The following SHANK2 variants were observed in gnomAD, a reference collection of about 807,000 sequenced individuals.
SHANK2 encodes the protein SH3 and multiple ankyrin repeat domains protein 2.
SHANK2 carries 43 observed loss-of-function variants against 133.7 expected under a neutral mutation model. That is an observed-to-expected ratio of 0.32 (90% CI 0.25 to 0.41). SHANK2 has a LOEUF of 0.41. SHANK2 is among the 10% of genes least tolerant of loss of function. SHANK2 has a pLI of 1.00. For synonymous variants in SHANK2, 1,017 were observed against 952.8 expected (o/e 1.07, Z -1.24); for missense variants, 1,994 against 2,235.8 (o/e 0.89, Z 2.18).
At chr11:70,694,942 G>A (rs1449125865) in intron 15 of SHANK2, among the ~76,000 whole-genome samples, 1 of 152,154 alleles carries the variant, frequency 6.6e-6, no homozygotes, top group Non-Finnish European at 1.5e-5. Flanking sequence ...ATGCTAATAG[G>A]TTCACAGTCT....
intron 6 of SHANK2, among the ~76,000 whole-genome samples, chr11:71,103,988 C>T (rs1951764929): frequency 6.6e-6 from 1 of 151,862 alleles, no homozygotes; most frequent in Non-Finnish European, 1.5e-5. Flanking sequence ...TGCCTTCCGC[C>T]ATGCGTAAAA....
chr11:70,819,249 C>T (rs919832727), intron 12 of SHANK2, among the ~76,000 whole-genome samples: 2 of 152,260 alleles, frequency 1.3e-5, no homozygotes, highest in Non-Finnish European at 2.9e-5. Context: ...TGTGCCGAGT[C>T]CTGCCCTTGC....
At position 70,488,152 on chromosome 11, in the gene SHANK2, C is replaced by A. The variant is rs970590014; in HGVS notation, c.2573-432G>T. Among the ~76,000 whole-genome samples the A allele has an allele frequency of 9.0e-4, 137 of 152,298 alleles. 1 individual carries two copies. The highest frequency in any genetic ancestry group is 3.4e-3 in the Middle Eastern group (1 of 294). ...TGTGCTTGGGGCGGGGTTGGCTAGA[C>A]CAGGAGGTATCCTTCCACCATGCCC... On this transcript the variant is annotated intron_variant, in intron 24 of 25. Transcript: ENST00000601538.
At chr11:71,218,596 G>T (rs1417543789) in intron 2 of SHANK2, among the ~76,000 whole-genome samples, 1 of 152,082 alleles carries the variant, frequency 6.6e-6, no homozygotes, top group Non-Finnish European at 1.5e-5. Context: ...GTGGTGCCCA[G>T]GGATGAGCAG....
chr11:71,178,985 G>GAA (rs1953498612), intron 2 of SHANK2, among the ~76,000 whole-genome samples: 1 of 151,902 alleles, frequency 6.6e-6, no homozygotes, highest in East Asian at 1.9e-4. Flanking sequence ...TTCGTCTGAA[G>GAA]TGAATGAATG....
At chr11:70,498,730 A>G (rs2059007030) in intron 21 of SHANK2, among the ~76,000 whole-genome samples, 2 of 152,196 alleles carry the variant, frequency 1.3e-5, no homozygotes, top group South Asian at 4.1e-4. Flanking sequence ...ATAAATGACC[A>G]TGCACGGGGG....
At chr11:70,718,782 C>G (rs1946010443) in intron 14 of SHANK2, among the ~76,000 whole-genome samples, 2 of 145,402 alleles carry the variant, frequency 1.4e-5, no homozygotes, top group African/African-American at 5.3e-5. Flanking sequence ...TGCAGGCTTT[C>G]AGTGGGTTAG....
intron 11 of SHANK2, chr11:70,826,407 G>A (rs1284595394): frequency 1.7e-5 from 8 of 468,626 alleles, no homozygotes; most frequent in Admixed American, 9.4e-5. Flanking sequence ...CCCCCACCCC[G>A]AGAATCAGCA....
rs1191766704 is a variant in SHANK2 at position 70,736,388 on chromosome 11, ATTGAG to A, written c.1778-37630_1778-37626del. 6.6e-5 allele frequency among the ~76,000 whole-genome samples: 10 copies of A among 152,252 alleles called. No homozygotes were observed. The East Asian group carries it at 9.6e-4, about 15-fold the overall frequency. ...TGGAAAACAGCTCCTTGTAGGTGTGATTGAGTTAAGGATCTTGGGATGAGGAGATC... is the reference window on the plus strand; with the variant it reads ...TGGAAAACAGCTCCTTGTAGGTGTGATTAAGGATCTTGGGATGAGGAGATC... On this transcript the variant is annotated intron_variant, in intron 14 of 25. Transcript: ENST00000601538.
At chr11:70,644,292 C>G (rs1435554448) in intron 17 of SHANK2, among the ~76,000 whole-genome samples, 1 of 152,172 alleles carries the variant, frequency 6.6e-6, no homozygotes, top group Non-Finnish European at 1.5e-5. Flanking sequence ...TCCTCCCAAA[C>G]TGAAACTCTG....
At chr11:70,546,942 A>G (rs1440735198) in intron 17 of SHANK2, among the ~76,000 whole-genome samples, 2 of 152,140 alleles carry the variant, frequency 1.3e-5, no homozygotes, top group African/African-American at 4.8e-5. Flanking sequence ...GCGCTTCCGT[A>G]TCAAATCCAA....
rs1369931760 is a variant in SHANK2, at chr11:70,542,245, T to A, written c.2062-39314A>T. Among the ~76,000 whole-genome samples, 5 of 152,108 alleles carry A rather than the reference T, an allele frequency of 3.3e-5. No individual in the cohort carries two copies. In the South Asian group the frequency reaches 8.3e-4, roughly 25 times the overall value. Reference sequence around the variant, plus strand: ...TATAATTAAGTTAAGGATTTCGAGATGAGATCATCCTCGGTTACTGAAGTG... The same window carrying A: ...TATAATTAAGTTAAGGATTTCGAGAAGAGATCATCCTCGGTTACTGAAGTG... On this transcript the variant is annotated intron_variant, in intron 17 of 25. Coordinates refer to ENST00000601538, the MANE Select transcript of SHANK2 (RefSeq NM_012309.5).
intron 14 of SHANK2, among the ~76,000 whole-genome samples, chr11:70,706,718 G>A (rs1291951925): frequency 6.7e-6 from 1 of 149,796 alleles, no homozygotes; most frequent in Non-Finnish European, 1.5e-5. Flanking sequence ...TGTTTTCTGA[G>A]TATGGCCTAG....
At chr11:71,112,145 G>A (rs1555099427) in intron 5 of SHANK2, among the ~76,000 whole-genome samples, 2 of 152,354 alleles carry the variant, frequency 1.3e-5, no homozygotes, top group East Asian at 3.9e-4. Context: ...TGTAATCCCA[G>A]CACTTTGGGA....
intron 11 of SHANK2, among the ~76,000 whole-genome samples, chr11:70,856,126 A>G (rs1336964846): frequency 2.0e-5 from 3 of 151,732 alleles, no homozygotes; most frequent in Admixed American, 6.6e-5. Flanking sequence ...GGGTGGTTCA[A>G]TGAGTGGATG....
chr11:70,625,270 C>T (rs539209639), intron 17 of SHANK2, among the ~76,000 whole-genome samples: 29 of 152,162 alleles, frequency 1.9e-4, no homozygotes, highest in Non-Finnish European at 3.8e-4. Flanking sequence ...GCCAGGGATG[C>T]TCCCAGACCT....
At chr11:71,078,639 A>G (rs1199061100) in intron 8 of SHANK2, among the ~76,000 whole-genome samples, 2 of 152,204 alleles carry the variant, frequency 1.3e-5, no homozygotes, top group African/African-American at 4.8e-5. Flanking sequence ...GGGCAGAAGC[A>G]GCTTTCCATA....
At chr11:70,752,112 CTTCT>C (rs1172661766) in intron 14 of SHANK2, among the ~76,000 whole-genome samples, 7 of 151,954 alleles carry the variant, frequency 4.6e-5, no homozygotes, top group Middle Eastern at 3.2e-3. Flanking sequence ...AAAAAGTTGA[CTTCT>C]TTATTATTTT....
intron 14 of SHANK2, among the ~76,000 whole-genome samples, chr11:70,718,364 AG>A (rs1555028001): frequency 6.6e-6 from 1 of 152,240 alleles, no homozygotes; most frequent in East Asian, 1.9e-4. Flanking sequence ...GCTGGAGGGA[AG>A]GAACTGCGCC....
Sources: gnomAD v4.1 joint callset for allele counts (sites outside exome capture counted in the v4.1 genomes callset) on GRCh38, gnomAD v4.1.1 for gene constraint, MANE v1.5 for transcripts, NCBI Gene and HGNC (gene_info 2026-07-23, HGNC 2026-07-21) for gene names.